MALRD1: variants seen among roughly 807,000 people sequenced by gnomAD.
MALRD1 encodes the protein MAM and LDL receptor class A domain containing 1, also known as MAM and LDL-receptor class A domain-containing protein 1.
MALRD1 carries 247 observed loss-of-function variants against 242.1 expected under a neutral mutation model. The observed-to-expected ratio is 1.02, with a 90% CI of 0.92 to 1.13. MALRD1 has a LOEUF of 1.13. MALRD1 is among the 50% of genes most tolerant of loss of function. MALRD1 has a pLI of 0.00. For missense variants in MALRD1, 2,989 were observed against 2,533.1 expected (o/e 1.18, Z -3.86); for synonymous variants, 995 against 866.6 (o/e 1.15, Z -2.60).
intron 24 of MALRD1, among the ~76,000 whole-genome samples, chr10:19,338,322 CTTG>C (rs2130946254): frequency 6.6e-6 from 1 of 152,238 alleles, no homozygotes; most frequent in South Asian, 2.1e-4. Context: ...CTATGCTCCG[CTTG>C]TTTATTCCTC....
At chr10:19,186,169 A>G (rs920796671) in intron 14 of MALRD1, among the ~76,000 whole-genome samples, 3 of 152,118 alleles carry the variant, frequency 2.0e-5, no homozygotes, top group Admixed American at 6.6e-5. Flanking sequence ...TAGGGAAAAA[A>G]GGCTATCTAG....
chr10:19,733,130 T>G (rs936542972), intron 39 of MALRD1, among the ~76,000 whole-genome samples: 1 of 152,140 alleles, frequency 6.6e-6, no homozygotes. Flanking sequence ...TTTTAAATTA[T>G]TGGAGAAAAC....
intron 32 of MALRD1, among the ~76,000 whole-genome samples, chr10:19,531,584 T>G (rs541760366): frequency 6.6e-6 from 1 of 152,318 alleles, no homozygotes; most frequent in South Asian, 2.1e-4. Flanking sequence ...TTATGTTGTA[T>G]GGTATTTAAA....
chr10:19,658,995 T>A (rs570960427), intron 36 of MALRD1, among the ~76,000 whole-genome samples: 1 of 152,314 alleles, frequency 6.6e-6, no homozygotes, highest in East Asian at 1.9e-4. Context: ...GTGTTTTAAT[T>A]GGCAAGGCAG....
intron 33 of MALRD1, among the ~76,000 whole-genome samples, chr10:19,592,892 C>A (rs1426823766): frequency 6.6e-6 from 1 of 151,402 alleles, no homozygotes; most frequent in African/African-American, 2.4e-5. Flanking sequence ...TTAGCTAAGT[C>A]ATAGATGTAT....
chr10:19,553,633 A>T (rs963465666), intron 32 of MALRD1, among the ~76,000 whole-genome samples: 4 of 152,176 alleles, frequency 2.6e-5, no homozygotes, highest in Non-Finnish European at 5.9e-5. Context: ...GATCAAATAA[A>T]TTTTATTACC....
intron 29 of MALRD1, among the ~76,000 whole-genome samples, chr10:19,478,098 C>G (rs943392167): frequency 6.6e-6 from 1 of 152,158 alleles, no homozygotes; most frequent in African/African-American, 2.4e-5. Context: ...GAAATCTTAC[C>G]AAGGACTCTC....
At chr10:19,232,803 A>G (rs1838141876) in intron 18 of MALRD1, among the ~76,000 whole-genome samples, 1 of 152,070 alleles carries the variant, frequency 6.6e-6, no homozygotes. Context: ...TCAACAGAAT[A>G]TGTGTCCCCC....
chr10:19,456,695 G>A lies in MALRD1; in HGVS notation c.5029+6205G>A, dbSNP rs566688526. On this transcript the variant is annotated intron_variant, in intron 29 of 39. Transcript: ENST00000454679. ...AAATGTCAGACAAGAAAAAGAAGAA[G>A]GCAATGAGTAGAAAAGTAATGCACA... Among the ~76,000 whole-genome samples the A allele has an allele frequency of 7.9e-5, 12 of 152,134 alleles. No individual in the cohort carries two copies. In the South Asian group the frequency reaches 2.5e-3, roughly 32 times the overall value.
At chr10:19,550,383 T>C (rs949270739) in intron 32 of MALRD1, among the ~76,000 whole-genome samples, 1 of 152,182 alleles carries the variant, frequency 6.6e-6, no homozygotes, top group African/African-American at 2.4e-5. Flanking sequence ...CTGTGCAGTT[T>C]TGTTACATAG....
chr10:19,514,295 A>T (rs61841393), intron 31 of MALRD1, among the ~76,000 whole-genome samples: 1 of 152,198 alleles, frequency 6.6e-6, no homozygotes, highest in Non-Finnish European at 1.5e-5. Context: ...TCTCAAACAC[A>T]TATTAATAAC....
intron 28 of MALRD1, among the ~76,000 whole-genome samples, chr10:19,409,099 G>A (rs746907329): frequency 1.4e-4 from 21 of 152,168 alleles, no homozygotes; most frequent in Non-Finnish European, 3.1e-4. Flanking sequence ...TTCAGTGAGT[G>A]AATGGTTAAA....
intron 18 of MALRD1, among the ~76,000 whole-genome samples, chr10:19,254,990 A>G (rs1263058046): frequency 6.6e-6 from 1 of 152,016 alleles, no homozygotes; most frequent in Non-Finnish European, 1.5e-5. Context: ...TCCTAAATAC[A>G]TAGAAGGATG....
At chr10:19,631,226 T>C (rs768464092) in intron 36 of MALRD1, among the ~76,000 whole-genome samples, 1 of 152,166 alleles carries the variant, frequency 6.6e-6, no homozygotes, top group Admixed American at 6.6e-5. Flanking sequence ...CTCCCACTTA[T>C]AAGTGAGAAC....
intron 24 of MALRD1, among the ~76,000 whole-genome samples, chr10:19,338,765 CTT>C (rs1353234326): frequency 6.6e-6 from 1 of 151,796 alleles, no homozygotes; most frequent in South Asian, 2.1e-4. Flanking sequence ...CAATTATACT[CTT>C]TAAGTTATTT....
intron 33 of MALRD1, 78 bp downstream of exon 33, chr10:19,567,781 A>G: frequency 8.0e-7 from 1 of 1,250,194 alleles, no homozygotes; most frequent in South Asian, 1.4e-5. Flanking sequence ...GGAATTTCTG[A>G]GGAATTACAT....
chr10:19,402,627 A>AC (rs1846916879), intron 28 of MALRD1, among the ~76,000 whole-genome samples: 2 of 151,910 alleles, frequency 1.3e-5, no homozygotes, highest in Non-Finnish European at 2.9e-5. Flanking sequence ...AGACTAATAT[A>AC]CCCTATCTCC....
intron 26 of MALRD1, among the ~76,000 whole-genome samples, chr10:19,355,674 C>A (rs1469680786): frequency 6.6e-6 from 1 of 150,564 alleles, no homozygotes; most frequent in Non-Finnish European, 1.5e-5. Flanking sequence ...CTTGATGTAC[C>A]TTTAATTGTG....
At chr10:19,688,312 C>G (rs544410897) in intron 36 of MALRD1, among the ~76,000 whole-genome samples, 1 of 151,898 alleles carries the variant, frequency 6.6e-6, no homozygotes, top group Non-Finnish European at 1.5e-5. Flanking sequence ...CTCTGTCACC[C>G]ATGTTGGAAT....
Sources: gnomAD v4.1 joint callset for allele counts (sites outside exome capture counted in the v4.1 genomes callset) on GRCh38, gnomAD v4.1.1 for gene constraint, MANE v1.5 for transcripts, NCBI Gene and HGNC (gene_info 2026-07-23, HGNC 2026-07-21) for gene names.